Variants in TIAM1 observed in about 807,000 individuals in gnomAD.
The protein encoded by TIAM1 is TIAM Rac1 associated GEF 1.
Under a neutral mutation model 163.5 loss-of-function variants are expected in TIAM1, and 65 were observed. The observed-to-expected ratio is 0.40, with a 90% CI of 0.33 to 0.49. The LOEUF (loss-of-function observed/expected upper bound fraction) is 0.49, where lower values mean the gene tolerates loss of function less well. Among genes scored for constraint, TIAM1 ranks in the 20% least tolerant of loss-of-function variants. TIAM1 has a pLI of 0.77. For synonymous variants in TIAM1, 833 were observed against 810.1 expected (o/e 1.03, Z -0.48); for missense variants, 1,789 against 2,044.7 (o/e 0.87, Z 2.41).
chr21:31,482,263 T>C (rs920372562), intron 1 of TIAM1, among the ~76,000 whole-genome samples: 2 of 152,092 alleles, frequency 1.3e-5, no homozygotes, highest in Non-Finnish European at 2.9e-5. Flanking sequence ...GTGATTCTCC[T>C]GCCTCAGCCT....
At chr21:31,527,191 T>C (rs984707285) in intron 1 of TIAM1, among the ~76,000 whole-genome samples, 2 of 152,146 alleles carry the variant, frequency 1.3e-5, no homozygotes, top group Non-Finnish European at 2.9e-5. Context: ...AAACTCTCCA[T>C]GCCTCCTGCC....
chr21:31,529,803 A>T (rs531842957), intron 1 of TIAM1, among the ~76,000 whole-genome samples: 1 of 152,146 alleles, frequency 6.6e-6, no homozygotes, highest in African/African-American at 2.4e-5. Flanking sequence ...AATTCACCTC[A>T]TGCCCCCTTC....
At chr21:31,210,343 G>A in intron 10 of TIAM1, 128 bp from the exon 11 acceptor site, 1 of 913,052 alleles carries the variant, frequency 1.1e-6, no homozygotes. Flanking sequence ...GGCAGTGGTG[G>A]GAGGCAGGGG....
chr21:31,288,567 T>C (rs910878594), intron 2 of TIAM1, among the ~76,000 whole-genome samples: 1 of 152,160 alleles, frequency 6.6e-6, no homozygotes, highest in African/African-American at 2.4e-5. Context: ...CACCGCATGA[T>C]ACTATCACAT....
At chr21:31,499,371 G>T (rs2046772006) in intron 1 of TIAM1, among the ~76,000 whole-genome samples, 1 of 151,504 alleles carries the variant, frequency 6.6e-6, no homozygotes, top group Non-Finnish European at 1.5e-5. Context: ...ACCAGCCTGG[G>T]CAACACGGTG....
At chr21:31,202,788 G>A in intron 12 of TIAM1, 120 bp downstream of exon 12, 1 of 924,298 alleles carries the variant, frequency 1.1e-6, no homozygotes. Context: ...TAAGGGCTAT[G>A]AATGAAGCTC....
chr21:31,208,785 T>C (rs948070395), intron 11 of TIAM1, among the ~76,000 whole-genome samples: 20 of 152,240 alleles, frequency 1.3e-4, no homozygotes, highest in African/African-American at 4.6e-4. Flanking sequence ...ATTTGCTTTT[T>C]TGAAAATACA....
chr21:31,324,123 GT>G (rs1196148338), intron 2 of TIAM1, among the ~76,000 whole-genome samples: 1 of 152,104 alleles, frequency 6.6e-6, no homozygotes, highest in Non-Finnish European at 1.5e-5. Context: ...GTAATGGTGG[GT>G]ACAGTAATGG....
chr21:31,404,298 G>A (rs73902331), intron 2 of TIAM1, among the ~76,000 whole-genome samples: 3 of 152,190 alleles, frequency 2.0e-5, no homozygotes, highest in Non-Finnish European at 2.9e-5. Flanking sequence ...CAAATTGCTT[G>A]GTCTCTATCC....
At chr21:31,355,406 T>A (rs1030054788) in intron 2 of TIAM1, among the ~76,000 whole-genome samples, 1 of 152,124 alleles carries the variant, frequency 6.6e-6, no homozygotes, top group Non-Finnish European at 1.5e-5. Context: ...CTTGAGGTCT[T>A]TGTTCAACAT....
intron 10 of TIAM1, among the ~76,000 whole-genome samples, chr21:31,210,534 A>AAAAAGAAAG (rs2086670707): frequency 1.8e-5 from 1 of 55,570 alleles, no homozygotes; most frequent in Non-Finnish European, 3.2e-5. Context: ...GGAAGGAAGG[A>AAAAAGAAAG]AAAGAAAGAA....
At chr21:31,523,636 G>C (rs185716733) in intron 1 of TIAM1, among the ~76,000 whole-genome samples, 5 of 152,212 alleles carry the variant, frequency 3.3e-5, no homozygotes, top group African/African-American at 1.2e-4. Flanking sequence ...ATAATAGTAC[G>C]TACTCAGTGG....
chr21:31,482,584 T>C (rs1406375005), intron 1 of TIAM1, among the ~76,000 whole-genome samples: 1 of 152,152 alleles, frequency 6.6e-6, no homozygotes, highest in Non-Finnish European at 1.5e-5. Flanking sequence ...TACCAGTTTG[T>C]TTTGTTTCTG....
intron 1 of TIAM1, among the ~76,000 whole-genome samples, chr21:31,505,584 G>C (rs576177327): frequency 4.6e-5 from 7 of 152,152 alleles, no homozygotes; most frequent in South Asian, 2.1e-4. Context: ...ATTGAGTGTA[G>C]ACATTGCAGA....
chr21:31,202,792 G>T, intron 12 of TIAM1, 116 bp downstream of exon 12: 1 of 959,902 alleles, frequency 1.0e-6, no homozygotes, highest in Non-Finnish European at 1.6e-6. Flanking sequence ...GGCTATGAAT[G>T]AAGCTCATTT....
intron 17 of TIAM1, among the ~76,000 whole-genome samples, chr21:31,153,619 T>C (rs991931660): frequency 6.6e-6 from 1 of 152,174 alleles, no homozygotes; most frequent in African/African-American, 2.4e-5. Flanking sequence ...GACCTGGCAG[T>C]CTTCTGGCTA....
chr21:31,397,688 G>A (rs1055917140), intron 2 of TIAM1, among the ~76,000 whole-genome samples: 1 of 152,126 alleles, frequency 6.6e-6, no homozygotes, highest in Non-Finnish European at 1.5e-5. Context: ...ATCTGTTAGG[G>A]GGAGTCTTCC....
At chr21:31,340,291 T>C (rs2075974554) in intron 1 of TIAM1, among the ~76,000 whole-genome samples, 1 of 151,858 alleles carries the variant, frequency 6.6e-6, no homozygotes, top group African/African-American at 2.4e-5. Context: ...TGGCTCAGGG[T>C]TGGGCAAACT....
At chr21:31,297,576 G>A (rs1036973407) in intron 2 of TIAM1, among the ~76,000 whole-genome samples, 1 of 152,076 alleles carries the variant, frequency 6.6e-6, no homozygotes, top group African/African-American at 2.4e-5. Flanking sequence ...TGTATTTTAG[G>A]TATCACCATG....
Sources: gnomAD v4.1 joint callset for allele counts (sites outside exome capture counted in the v4.1 genomes callset) on GRCh38, gnomAD v4.1.1 for gene constraint, MANE v1.5 for transcripts, NCBI Gene and HGNC (gene_info 2026-07-23, HGNC 2026-07-21) for gene names.